MORC1: variants seen among roughly 807,000 people sequenced by gnomAD.
The protein encoded by MORC1 is MORC family CW-type zinc finger 1.
A neutral mutation model predicts 134.9 loss-of-function variants in MORC1; 59 were observed. That is an observed-to-expected ratio of 0.44 (90% CI 0.35 to 0.54). MORC1 has a LOEUF of 0.54. Among genes scored for constraint, MORC1 ranks in the 20% least tolerant of loss-of-function variants. MORC1 has a pLI of 0.00. For missense variants in MORC1, 947 were observed against 1,134.5 expected (o/e 0.83, Z 2.37); for synonymous variants, 395 against 391.7 (o/e 1.01, Z -0.10).
At chr3:109,075,848 G>C (rs1223500600) in intron 8 of MORC1, among the ~76,000 whole-genome samples, 2 of 152,060 alleles carry the variant, frequency 1.3e-5, no homozygotes, top group African/African-American at 2.4e-5. Context: ...GTCAATGGTA[G>C]CTTGATGGGG....
chr3:108,980,359 G>A (rs373229320), intron 23 of MORC1, among the ~76,000 whole-genome samples: 1 of 152,088 alleles, frequency 6.6e-6, no homozygotes, highest in Non-Finnish European at 1.5e-5. Context: ...CTCCCACCTA[G>A]AGAGTTTTCA....
At chr3:109,077,076 A>T (rs1179619573) in intron 8 of MORC1, among the ~76,000 whole-genome samples, 5 of 152,168 alleles carry the variant, frequency 3.3e-5, no homozygotes, top group African/African-American at 1.2e-4. Context: ...CAGACTTCTG[A>T]TCAACAACAT....
At chr3:109,004,276 A>C (rs780460794) in intron 20 of MORC1, among the ~76,000 whole-genome samples, 18 of 152,218 alleles carry the variant, frequency 1.2e-4, no homozygotes, top group Non-Finnish European at 2.5e-4. Flanking sequence ...ATGGTGAACA[A>C]TATCGACTCT....
At chr3:109,023,917 A>C (rs1949016774) in intron 17 of MORC1, among the ~76,000 whole-genome samples, 1 of 152,242 alleles carries the variant, frequency 6.6e-6, no homozygotes, top group Admixed American at 6.5e-5. Flanking sequence ...AATGAAGCTG[A>C]AAGTAGTTAG....
At chr3:108,976,231 T>C (rs902586424) in intron 24 of MORC1, among the ~76,000 whole-genome samples, 10 of 152,168 alleles carry the variant, frequency 6.6e-5, no homozygotes, top group East Asian at 5.8e-4. Flanking sequence ...ATTGTGGAAA[T>C]TGATAAGGAT....
At chr3:109,009,853 A>T (rs577535260) in intron 17 of MORC1, among the ~76,000 whole-genome samples, 1 of 152,242 alleles carries the variant, frequency 6.6e-6, no homozygotes, top group South Asian at 2.1e-4. Flanking sequence ...TTTTCCTGAA[A>T]AGTGTGCCTG....
intron 21 of MORC1, among the ~76,000 whole-genome samples, chr3:108,988,117 T>C (rs1947945187): frequency 6.6e-6 from 1 of 152,120 alleles, no homozygotes; most frequent in South Asian, 2.1e-4. Flanking sequence ...ACTCTCTTTT[T>C]TTTCCCCTCC....
chr3:109,008,122 G>A (rs1388211534), intron 17 of MORC1, among the ~76,000 whole-genome samples: 2 of 152,066 alleles, frequency 1.3e-5, no homozygotes, highest in South Asian at 4.1e-4. Flanking sequence ...TTCTTTTACA[G>A]CTGTATTATA....
At chr3:109,034,471 C>T (rs1949324143) in intron 15 of MORC1, among the ~76,000 whole-genome samples, 1 of 152,082 alleles carries the variant, frequency 6.6e-6, no homozygotes, top group Admixed American at 6.5e-5. Flanking sequence ...ATTCCAATAC[C>T]TCCTGCTTGC....
intron 17 of MORC1, among the ~76,000 whole-genome samples, chr3:109,011,531 T>G (rs190461804): frequency 6.6e-6 from 1 of 151,940 alleles, no homozygotes; most frequent in Admixed American, 6.5e-5. Flanking sequence ...TTTGTTTTTT[T>G]TTTTTTTGAG....
chr3:108,989,847 C>T (rs182528697), intron 21 of MORC1, among the ~76,000 whole-genome samples: 160 of 152,218 alleles, frequency 1.1e-3, no homozygotes, highest in African/African-American at 3.7e-3. Flanking sequence ...ACTACCACGG[C>T]GAAAAGTTCG....
chr3:109,100,984 T>C (rs1207829325), intron 4 of MORC1, among the ~76,000 whole-genome samples: 1 of 152,124 alleles, frequency 6.6e-6, no homozygotes, highest in Non-Finnish European at 1.5e-5. Context: ...TGGAATCCAT[T>C]CCCTACAGAT....
intron 17 of MORC1, among the ~76,000 whole-genome samples, chr3:109,014,371 T>C (rs1225735727): frequency 1.3e-5 from 2 of 152,202 alleles, no homozygotes; most frequent in Non-Finnish European, 2.9e-5. Flanking sequence ...ATGTTGATGA[T>C]TGGCAGGATA....
chr3:108,977,248 A>G (rs1407619064), intron 24 of MORC1, among the ~76,000 whole-genome samples: 1 of 152,220 alleles, frequency 6.6e-6, no homozygotes, highest in East Asian at 1.9e-4. Context: ...CTCCTCATCC[A>G]TACACAATAT....
intron 3 of MORC1, among the ~76,000 whole-genome samples, chr3:109,105,696 T>G (rs943122580): frequency 6.8e-6 from 1 of 146,528 alleles, no homozygotes; most frequent in African/African-American, 2.5e-5. Context: ...AAAAAAAAAG[T>G]CACCTAGAAT....
chr3:108,979,605 A>G lies in MORC1; in HGVS notation c.2387T>C (p.Val796Ala). 1.2e-6 allele frequency: 2 copies of G among 1,614,190 alleles called. No homozygotes were observed. The highest frequency in any genetic ancestry group is 1.7e-6 in the Non-Finnish European group (2 of 1,180,012). The change falls in exon 24 of 28, where the codon GTG (valine) becomes GCG (alanine). Residue 796 changes from valine to alanine, a missense_variant. Val to Ala is a moderately conservative substitution (Grantham distance 64). Transcript: ENST00000232603. Reference sequence around the variant, plus strand: ...AGAAGCAACTTTACAACTGCCACTCACAGAAACTCTGGCTATGTGTCCAGA... The same window carrying G: ...AGAAGCAACTTTACAACTGCCACTCGCAGAAACTCTGGCTATGTGTCCAGA... ...LSSGHIARVS[V>A]SGSCKVASSP...
intron 27 of MORC1, among the ~76,000 whole-genome samples, chr3:108,960,872 T>C (rs953698149): frequency 4.6e-5 from 7 of 152,232 alleles, no homozygotes; most frequent in Non-Finnish European, 7.3e-5. Flanking sequence ...AAAGACTGCA[T>C]TGACATGGTT....
chr3:109,086,548 G>A (rs1442904714), intron 8 of MORC1, among the ~76,000 whole-genome samples: 4 of 151,920 alleles, frequency 2.6e-5, no homozygotes, highest in African/African-American at 7.3e-5. Context: ...CCTTGGTTTC[G>A]CAAAACGCCA....
rs1947656420 is a variant in MORC1, at chr3:108,979,606, C to T, written c.2386G>A (p.Val796Met). 1 of 1,614,070 alleles carries T rather than the reference C, an allele frequency of 6.2e-7. No individual in the cohort carries two copies. Among genetic ancestry groups the T allele is most frequent in the Non-Finnish European group, 8.5e-7 (1 of 1,180,016 alleles). The change falls in exon 24 of 28, where the codon GTG becomes ATG. Residue 796 changes from valine to methionine, a missense_variant. Physicochemically the swap from Val to Met is conservative, Grantham distance 21. Around this residue, in one of 3 missense-constraint regions of MORC1, gnomAD observed 722 missense variants for 817.0 expected, o/e 0.88. Coordinates refer to ENST00000232603, the MANE Select transcript of MORC1 (RefSeq NM_014429.4). Reference protein sequence around the residue: ...LSSGHIARVSVSGSCKVASSP... With the variant: ...LSSGHIARVSMSGSCKVASSP... Reference sequence around the variant, plus strand: ...GAAGCAACTTTACAACTGCCACTCACAGAAACTCTGGCTATGTGTCCAGAA... The same window carrying T: ...GAAGCAACTTTACAACTGCCACTCATAGAAACTCTGGCTATGTGTCCAGAA...
Sources: allele counts gnomAD v4.1 joint callset (sites outside exome capture counted in the v4.1 genomes callset), GRCh38; gene constraint gnomAD v4.1.1; regional missense constraint gnomAD v4.1.1; transcripts MANE v1.5; gene names NCBI Gene and HGNC (gene_info 2026-07-23, HGNC 2026-07-21).